JMJD4: variants seen among roughly 807,000 people sequenced by gnomAD.
JMJD4 encodes jumonji domain containing 4, also known as 2-oxoglutarate and iron-dependent oxygenase JMJD4.
Under a neutral mutation model 36.3 loss-of-function variants are expected in JMJD4, and 34 were observed. That is an observed-to-expected ratio of 0.94 (90% CI 0.71 to 1.25). The LOEUF (loss-of-function observed/expected upper bound fraction) is 1.25. JMJD4 is among the 50% of genes most tolerant of loss of function. JMJD4 has a pLI of 0.00. For missense variants in JMJD4, 584 were observed against 559.1 expected (o/e 1.04, Z -0.45); for synonymous variants, 269 against 235.3 (o/e 1.14, Z -1.31).
intron 3 of JMJD4, 50 bp downstream of exon 3, chr1:227,733,857 G>C (rs753656200): frequency 8.1e-6 from 13 of 1,608,452 alleles, no homozygotes; most frequent in Non-Finnish European, 1.1e-5. Flanking sequence ...CTCCCAGTCC[G>C]TTCTGTCACC....
Position 227,732,287 on chromosome 1 carries a change from AG to A in JMJD4, c.*104del, listed in dbSNP as rs1660700034. The A allele has an allele frequency of 1.5e-6, 2 of 1,348,926 alleles. No homozygotes were observed. Among genetic ancestry groups the A allele is most frequent in the Admixed American group, 3.7e-5 (2 of 53,902 alleles). The allele number at this position is 1,348,926 out of a possible 1,614,324, so 83.6% of individuals were successfully genotyped here. On this transcript the variant is annotated 3_prime_UTR_variant, in exon 6 of 6. Coordinates refer to ENST00000620518, the MANE Select transcript of JMJD4 (RefSeq NM_023007.3). ...GAACAGCCAGGCCACAAGCCTCGAC[AG>A]GGGTGGGCCCCAGGTCACAGGGAGG...
chr1:227,735,035 A>G lies in JMJD4; in HGVS notation c.239T>C (p.Phe80Ser). 2 of 1,553,404 alleles carry G rather than the reference A, an allele frequency of 1.3e-6. No homozygotes were observed. Among genetic ancestry groups the G allele is most frequent in the Non-Finnish European group, 1.7e-6 (2 of 1,150,830 alleles). The change falls in exon 1 of 6, where the codon TTC becomes TCC. Residue 80 changes from phenylalanine to serine, a missense_variant. Phe to Ser is a radical substitution (Grantham distance 155). Coordinates refer to ENST00000620518, the MANE Select transcript of JMJD4 (RefSeq NM_023007.3). Reference protein sequence around the residue: ...RWVTPAGRPDFDHLLRTYGDV... With the variant: ...RWVTPAGRPDSDHLLRTYGDV... ...ACCGTAGGTCCGTAGCAGGTGGTCGAAGTCGGGCCTCCCCGCGGGCGTCAC... is the reference window on the plus strand; with the variant it reads ...ACCGTAGGTCCGTAGCAGGTGGTCGGAGTCGGGCCTCCCCGCGGGCGTCAC...
At position 227,732,696 on chromosome 1, in the gene JMJD4, C is replaced by A. The variant is rs1391265882; in HGVS notation, c.970-20G>T. 1.5e-5 allele frequency: 24 copies of A among 1,610,048 alleles called. No homozygotes were observed. In the Admixed American group the frequency reaches 2.0e-4, roughly 13 times the overall value. Reference sequence around the variant, plus strand: ...GATGACCTGGGCAGAGGGAAGAGGCCAGTGAGCTAACACCATGGACACAGT... The same window carrying A: ...GATGACCTGGGCAGAGGGAAGAGGCAAGTGAGCTAACACCATGGACACAGT... On this transcript the variant is annotated intron_variant, in intron 5 of 5. Transcript: ENST00000620518.
At chr1:227,734,239 G>A in intron 2 of JMJD4, 1 of 587,400 alleles carries the variant, frequency 1.7e-6, no homozygotes, top group Non-Finnish European at 3.0e-6. Context: ...CTGCTTATTA[G>A]AAAGTACTGA....
chr1:227,732,699 TG>T (rs1660745538), intron 5 of JMJD4, 23 bp from the exon 6 acceptor site: 1 of 1,610,038 alleles, frequency 6.2e-7, no homozygotes. Flanking sequence ...AAGAGGCCAG[TG>T]AGCTAACACC....
At chr1:227,733,260 G>A (rs1465886757) in intron 4 of JMJD4, 154 bp downstream of exon 4, 2 of 921,432 alleles carry the variant, frequency 2.2e-6, no homozygotes, top group Non-Finnish European at 3.2e-6. Context: ...GTGAAACAGA[G>A]GCTAGGCCTC....
At chr1:227,733,826 C>A (rs1660849917) in intron 3 of JMJD4, 81 bp downstream of exon 3, 3 of 1,593,904 alleles carry the variant, frequency 1.9e-6, no homozygotes, top group Non-Finnish European at 2.6e-6. Context: ...GCCAAGCAGC[C>A]CCCCTCCTGC....
Position 227,734,017 on chromosome 1 carries a change from C to T in JMJD4, c.444G>A (p.Glu148=). The change falls in exon 3 of 6, where the codon GAG becomes GAA. Residue 148 remains glutamate (E), a synonymous_variant. Transcript: ENST00000620518. ...AGTACACAGGCAGGGTGAAAACGTC[C>T]TCCACCGGAAAGTCCCTGTGAGGAG... ...DWHLCRDFPV[E]DVFTLPVYFS... is the part of the protein sequence containing the mutation. 1.2e-6 allele frequency: 2 copies of T among 1,613,476 alleles called. No individual in the cohort carries two copies. Among genetic ancestry groups the T allele is most frequent in the East Asian group, 2.2e-5 (1 of 44,864 alleles).
rs1399905802 is a variant in JMJD4 at position 227,735,269 on chromosome 1, T to A, written c.5A>T (p.Asp2Val). Residue 2 changes from aspartate (D) to valine (V), a missense_variant, in exon 1 of 6, where the codon GAC becomes GTC. Coordinates refer to ENST00000620518, the MANE Select transcript of JMJD4 (RefSeq NM_023007.3). MDRETRALADSH... is the reference protein window; with the variant it reads MVRETRALADSH... Reference sequence around the variant, plus strand: ...GTCGGCGAGGGCGCGCGTCTCGCGGTCCATCCAGCTCAGCACGGGTCGAAG... The same window carrying A: ...GTCGGCGAGGGCGCGCGTCTCGCGGACCATCCAGCTCAGCACGGGTCGAAG... The A allele has an allele frequency of 1.4e-5, 22 of 1,605,782 alleles. No homozygotes were observed. The highest frequency in any genetic ancestry group is 1.9e-5 in the Non-Finnish European group (22 of 1,177,140).
Position 227,735,130 on chromosome 1 carries a change from G to A in JMJD4, c.144C>T (p.Phe48=), listed in dbSNP as rs1173124119. The A allele has an allele frequency of 1.3e-6, 2 of 1,580,268 alleles. No homozygotes were observed. The highest frequency in any genetic ancestry group is 2.3e-5 in the East Asian group (1 of 42,938). Reference sequence around the variant, plus strand: ...ACACGCAGGGCAGGTTGGGCAGCAAGAAGCCCCGCACAAAGTCGGCGTAGG... The same window carrying A: ...ACACGCAGGGCAGGTTGGGCAGCAAAAAGCCCCGCACAAAGTCGGCGTAGG... The part of the protein sequence containing the change: ...AFSYADFVRG[F]LLPNLPCVFS... The change falls in exon 1 of 6, where the codon TTC becomes TTT. Residue 48 remains phenylalanine, a synonymous_variant. Transcript: ENST00000620518.
At chr1:227,734,540 C>A in intron 2 of JMJD4, 111 bp downstream of exon 2, 5 of 974,240 alleles carry the variant, frequency 5.1e-6, no homozygotes, top group Non-Finnish European at 7.8e-6. Flanking sequence ...AAGTGCCTCA[C>A]GGGGAAAAAT....
chr1:227,734,352 TAAAA>T (rs56684758), intron 2 of JMJD4: 264 of 77,494 alleles, frequency 3.4e-3, no homozygotes, highest in South Asian at 0.011. Context: ...CTAGTCTCTT[TAAAA>T]AAAAAAAAAA....
Position 227,732,673 on chromosome 1 carries a change from T to A in JMJD4, c.973A>T (p.Ile325Phe), listed in dbSNP as rs749984227. 1 of 1,612,540 alleles carries A rather than the reference T, an allele frequency of 6.2e-7. No homozygotes were observed. Among genetic ancestry groups the A allele is most frequent in the South Asian group, 1.1e-5 (1 of 91,084 alleles). The change falls in exon 6 of 6, where the codon ATC becomes TTC. Residue 325 changes from isoleucine to phenylalanine, a missense_variant. Ile to Phe is a conservative substitution (Grantham distance 21, BLOSUM62 0). Transcript: ENST00000620518. ...TTGATGCCCGAGCAGGACCTCATGA[T>A]GACCTGGGCAGAGGGAAGAGGCCAG... ...MPDWHHHCQV[I>F]MRSCSGINFE...
rs1255928163 is a variant in JMJD4, at chr1:227,732,893, G to A, written c.957C>T (p.His319=). Residue 319 remains histidine (H), a synonymous_variant, in exon 5 of 6, where the codon CAC becomes CAT. Transcript: ENST00000620518. The stretch of plus-strand genomic sequence containing the variant: ...GTAGCCACCCCACCTGGCAGTGGTG[G>A]TGCCAGTCGGGCATGGAGTCCCTCC... The part of the protein sequence containing the change: ...SEWRDSMPDW[H]HHCQVIMRSC... 9.3e-6 allele frequency: 15 copies of A among 1,612,590 alleles called. No homozygotes were observed. Among genetic ancestry groups the A allele is most frequent in the African/African-American group, 1.3e-5 (1 of 74,936 alleles).
At chr1:227,733,734 G>C in intron 3 of JMJD4, 53 bp from the exon 4 acceptor site, 4 of 1,597,282 alleles carry the variant, frequency 2.5e-6, no homozygotes, top group Non-Finnish European at 3.4e-6. Flanking sequence ...TATGGGCTTT[G>C]CTTGGCACCC....
Position 227,732,349 on chromosome 1 carries a change from G to A in JMJD4, c.*43C>T, listed in dbSNP as rs1660712360. On this transcript the variant is annotated 3_prime_UTR_variant, in exon 6 of 6. Transcript: ENST00000620518. ...TTTCTGGAAGGGCCCCGGAGCAGGA[G>A]GCTGCCTCTCTTCCACCCGTCCTTC... 1 of 1,599,364 alleles carries A rather than the reference G, an allele frequency of 6.3e-7. No individual in the cohort carries two copies. Among genetic ancestry groups the A allele is most frequent in the Non-Finnish European group, 8.5e-7 (1 of 1,170,752 alleles).
chr1:227,731,492 T>C lies in JMJD4; in HGVS notation c.*900A>G, dbSNP rs904752583. On this transcript the variant is annotated 3_prime_UTR_variant, in exon 6 of 6. Coordinates refer to ENST00000620518, the MANE Select transcript of JMJD4 (RefSeq NM_023007.3). Reference sequence around the variant, plus strand: ...TCGGTCAAGGACAGGGCTGGGAGAGTGCCAGTCTCCACAAACTGTGGATCC... The same window carrying C: ...TCGGTCAAGGACAGGGCTGGGAGAGCGCCAGTCTCCACAAACTGTGGATCC... 4 of 151,916 alleles carry C rather than the reference T, an allele frequency of 2.6e-5. No individual in the cohort carries two copies. The highest frequency in any genetic ancestry group is 9.7e-5 in the African/African-American group (4 of 41,348). The allele number at this position is 151,916 out of a possible 1,614,324, so 9.4% of individuals were successfully genotyped here.
Position 227,733,609 on chromosome 1 carries a change from G to A in JMJD4, c.627C>T (p.Leu209=), listed in dbSNP as rs746368941. ...CCTCTTCCTGCCCTGGGGGGAAGAG[G>A]AGCCACTTCTTCCTCCCACAGACAT... ...SVNVCGRKKW[L]LFPPGQEEAL... is the part of the protein sequence containing the mutation. Residue 209 remains leucine (L), a synonymous_variant, in exon 4 of 6, where the codon CTC becomes CTT. Coordinates refer to ENST00000620518, the MANE Select transcript of JMJD4 (RefSeq NM_023007.3). The A allele has an allele frequency of 2.5e-6, 4 of 1,605,638 alleles. No homozygotes were observed. Among genetic ancestry groups the A allele is most frequent in the Admixed American group, 3.4e-5 (2 of 58,242 alleles).
Position 227,732,017 on chromosome 1 carries a change from A to G in JMJD4, c.*375T>C, listed in dbSNP as rs1371944620. ...ACAGGGCAGAGCCAGGGGTGGTCCA[A>G]TGGCCTGAGACGAGGGGACAGGGCT... On this transcript the variant is annotated 3_prime_UTR_variant, in exon 6 of 6. Transcript: ENST00000620518. The G allele has an allele frequency of 3.4e-6, 1 of 292,308 alleles. No individual in the cohort carries two copies. Among genetic ancestry groups the G allele is most frequent in the Non-Finnish European group, 6.6e-6 (1 of 151,600 alleles). 18.1% of individuals were successfully genotyped at this position (292,308 alleles called of 1,614,324 possible). A position where few individuals can be genotyped will look rare whatever the true frequency, so the allele number is the denominator to read the frequency against.
Sources: allele counts gnomAD v4.1 joint callset, GRCh38; gene constraint gnomAD v4.1.1; transcripts MANE v1.5; gene names NCBI Gene and HGNC (gene_info 2026-07-23, HGNC 2026-07-21).